The following ADAM7 variants were observed in gnomAD, a reference collection of about 807,000 sequenced individuals.
ADAM7 encodes the protein disintegrin and metalloproteinase domain-containing protein 7.
Under a neutral mutation model 102.9 loss-of-function variants are expected in ADAM7, and 97 were observed. The observed-to-expected ratio is 0.94, with a 90% confidence interval of 0.80 to 1.12. ADAM7 has a LOEUF of 1.12. ADAM7 is among the 50% of genes most tolerant of loss of function. The probability of loss-of-function intolerance (pLI) is 0.00; values close to 1 mark genes in which losing one functional copy is unlikely to be tolerated. For missense variants in ADAM7, 991 were observed against 908.7 expected, an observed-to-expected ratio of 1.09 and a Z score of -1.16; for synonymous variants, 334 against 304.4, an observed-to-expected ratio of 1.10 and a Z score of -1.01.
chr8:24,446,331 G>A (rs2129372708), intron 2 of ADAM7, among the ~76,000 whole-genome samples: 1 of 152,218 alleles, frequency 6.6e-6, no homozygotes, highest in South Asian at 2.1e-4. Flanking sequence ...ATCACAATAA[G>A]TCATCATTTC....
intron 7 of ADAM7, among the ~76,000 whole-genome samples, chr8:24,470,380 T>C (rs1054838782): frequency 1.3e-5 from 2 of 151,994 alleles, no homozygotes; most frequent in African/African-American, 4.8e-5. Context: ...AAGTAAAGTG[T>C]GAGTATTAAA....
chr8:24,452,674 T>A (rs1327756022), intron 3 of ADAM7, among the ~76,000 whole-genome samples: 12 of 150,656 alleles, frequency 8.0e-5, no homozygotes, highest in Non-Finnish European at 1.2e-4. Context: ...TTGTTATGTG[T>A]GAATTTGATC....
At chr8:24,464,713 G>A (rs569006124) in intron 4 of ADAM7, among the ~76,000 whole-genome samples, 103 of 152,154 alleles carry the variant, frequency 6.8e-4, no homozygotes, top group African/African-American at 2.1e-3. Context: ...CGATTCTCCT[G>A]CCTCAGCCAT....
chr8:24,504,072 T>A (rs1820863994), intron 20 of ADAM7, among the ~76,000 whole-genome samples: 2 of 150,486 alleles, frequency 1.3e-5, no homozygotes, highest in Non-Finnish European at 3.0e-5. Flanking sequence ...ATAAATAAAA[T>A]AAAAAAACTG....
At position 24,447,170 on chromosome 8, in the gene ADAM7, G is replaced by A; in HGVS notation, c.157-16G>A. 6.7e-7 allele frequency: 1 copy of A among 1,483,388 alleles called. No individual in the cohort carries two copies. The highest frequency in any genetic ancestry group is 9.3e-7 in the Non-Finnish European group (1 of 1,079,014). 91.9% of individuals were successfully genotyped at this position (1,483,388 alleles called of 1,614,324 possible). A position where few individuals can be genotyped will look rare whatever the true frequency, so the allele number is the denominator to read the frequency against. ...TGAGCCCATGTTGAAGTCACGTGATGCCTCTTCTTTTTTAGAAAACGTATG... is the reference window on the plus strand; with the variant it reads ...TGAGCCCATGTTGAAGTCACGTGATACCTCTTCTTTTTTAGAAAACGTATG... On this transcript the variant is annotated splice_polypyrimidine_tract_variant and intron_variant, in intron 2 of 21. Transcript: ENST00000175238.
Position 24,485,265 on chromosome 8 carries a change from T to C in ADAM7, c.876-12T>C, listed in dbSNP as rs561278538. 2.5e-6 allele frequency: 4 copies of C among 1,611,638 alleles called. No homozygotes were observed. Among genetic ancestry groups the C allele is most frequent in the South Asian group, 2.2e-5 (2 of 90,746 alleles). On this transcript the variant is annotated splice_polypyrimidine_tract_variant and intron_variant, in intron 9 of 21. Transcript: ENST00000175238. ...ACTCAGATTGAAGACTATTTTTGCA[T>C]CTTTTTCATAGTGGGAAGTGGCTCT...
Position 24,493,185 on chromosome 8 carries a change from G to C in ADAM7, c.1798G>C (p.Asp600His). The change falls in exon 16 of 22, where the codon GAC (aspartate) becomes CAC (histidine). Residue 600 changes from aspartate (D) to histidine (H), a missense_variant. Transcript: ENST00000175238. ...KTIFLYHDST[D>H]IGLVASGTKC... ...TATTTTTTTATACCATGATTCTACA[G>C]ACATTGGCCTGGTGGCGTCAGGAAC... 2 of 1,611,978 alleles carry C rather than the reference G, an allele frequency of 1.2e-6. No individual in the cohort carries two copies. The highest frequency in any genetic ancestry group is 1.7e-6 in the Non-Finnish European group (2 of 1,179,244).
rs368132328 is a variant in ADAM7 at position 24,478,988 on chromosome 8, A to T, written c.705+2484A>T. Among the ~76,000 whole-genome samples, 16 of 152,194 alleles carry T rather than the reference A, an allele frequency of 1.1e-4. No homozygotes were observed. In the East Asian group the frequency reaches 2.9e-3, roughly 28 times the overall value. ...TGCACTATCAACTGCATATTCATCTAGTGTTACTTTGTGCTTAGGGTGGGT... is the reference window on the plus strand; with the variant it reads ...TGCACTATCAACTGCATATTCATCTTGTGTTACTTTGTGCTTAGGGTGGGT... On this transcript the variant is annotated intron_variant, in intron 8 of 21. Transcript: ENST00000175238.
intron 3 of ADAM7, among the ~76,000 whole-genome samples, chr8:24,451,825 G>A (rs1047679736): frequency 1.9e-4 from 29 of 149,758 alleles, no homozygotes; most frequent in East Asian, 1.6e-3. Context: ...CTTTGAATGC[G>A]TCCCAGAGAT....
intron 3 of ADAM7, among the ~76,000 whole-genome samples, chr8:24,452,950 C>G (rs1452092268): frequency 6.7e-6 from 1 of 149,186 alleles, no homozygotes; most frequent in African/African-American, 2.5e-5. Context: ...GTTGAAAATT[C>G]TTTTCTTTAA....
At chr8:24,464,601 C>T (rs1249803380) in intron 4 of ADAM7, among the ~76,000 whole-genome samples, 1 of 152,072 alleles carries the variant, frequency 6.6e-6, no homozygotes, top group Non-Finnish European at 1.5e-5. Flanking sequence ...CAATGGTGAA[C>T]TTTGTTTTGT....
At chr8:24,448,080 C>G (rs1818634548) in intron 3 of ADAM7, among the ~76,000 whole-genome samples, 1 of 152,034 alleles carries the variant, frequency 6.6e-6, no homozygotes, top group South Asian at 2.1e-4. Context: ...CATTTAGACT[C>G]TGCATATTTT....
At chr8:24,472,396 A>T (rs993376310) in intron 7 of ADAM7, among the ~76,000 whole-genome samples, 1 of 152,054 alleles carries the variant, frequency 6.6e-6, no homozygotes, top group African/African-American at 2.4e-5. Flanking sequence ...ATATCATAAG[A>T]TCACTGTTTT....
chr8:24,501,126 G>C (rs1171696153), intron 19 of ADAM7, among the ~76,000 whole-genome samples: 1 of 152,106 alleles, frequency 6.6e-6, no homozygotes, highest in Non-Finnish European at 1.5e-5. Flanking sequence ...AAAAAATACT[G>C]ATGTGGGTTG....
chr8:24,471,733 A>G (rs951128793), intron 7 of ADAM7, among the ~76,000 whole-genome samples: 4 of 152,028 alleles, frequency 2.6e-5, no homozygotes, highest in Non-Finnish European at 4.4e-5. Flanking sequence ...ATTGTCAAGC[A>G]ATGTATAACT....
Position 24,508,739 on chromosome 8 carries a change from C to T in ADAM7, c.*193C>T, listed in dbSNP as rs1425092501. ...TATTTACCGGTAGAATTCACACCCT[C>T]TATCATAAACATATGCTGCAGAAAA... On this transcript the variant is annotated 3_prime_UTR_variant, in exon 22 of 22. Transcript: ENST00000175238. 7.2e-6 allele frequency: 10 copies of T among 1,388,950 alleles called. No individual in the cohort carries two copies. Among genetic ancestry groups the T allele is most frequent in the Middle Eastern group, 1.9e-4 (1 of 5,308 alleles). 86.0% of individuals were successfully genotyped at this position (1,388,950 alleles called of 1,614,324 possible).
intron 4 of ADAM7, 72 bp downstream of exon 4, chr8:24,464,032 C>A: frequency 7.4e-7 from 1 of 1,359,448 alleles, no homozygotes; most frequent in South Asian, 1.2e-5. Flanking sequence ...AAACCCTGTT[C>A]TAGCTGTACA....
In ADAM7 at chr8:24,501,537, A is replaced by T; in HGVS notation, c.2169A>T (p.Ile723=). Residue 723 remains isoleucine (I), a synonymous_variant, in exon 20 of 22, where the codon ATA becomes ATT. Transcript: ENST00000175238. ...GATACTTTGGTGATGAGCAGCAGAT[A>T]AGGACTGAGCCAATCCTGCCAGAAA... The part of the protein sequence containing the change: ...NKGYFGDEQQ[I]RTEPILPEIH... The T allele has an allele frequency of 6.2e-7, 1 of 1,608,688 alleles. No homozygotes were observed. The highest frequency in any genetic ancestry group is 8.5e-7 in the Non-Finnish European group (1 of 1,178,264).
At chr8:24,493,906 T>C (rs1345907776) in intron 16 of ADAM7, among the ~76,000 whole-genome samples, 1 of 152,176 alleles carries the variant, frequency 6.6e-6, no homozygotes, top group Admixed American at 6.5e-5. Context: ...GCTTGACCTT[T>C]GGGTTAAATG....
Sources: gnomAD v4.1 joint callset for allele counts (sites outside exome capture counted in the v4.1 genomes callset) on GRCh38, gnomAD v4.1.1 for gene constraint, MANE v1.5 for transcripts, NCBI Gene and HGNC (gene_info 2026-07-23, HGNC 2026-07-21) for gene names.